The following IGSF10 variants were observed in gnomAD, a reference collection of about 807,000 sequenced individuals.
IGSF10 encodes calvaria mechanical force protein 608.
Under a neutral mutation model 128.2 loss-of-function variants are expected in IGSF10, and 126 were observed. That is an observed-to-expected ratio of 0.98 (90% confidence interval 0.85 to 1.14). IGSF10 has a LOEUF of 1.14. IGSF10 is among the 50% of genes most tolerant of loss of function. The pLI, the probability that IGSF10 is intolerant of heterozygous loss-of-function variation, is 0.00. For missense variants in IGSF10, 3,295 were observed against 3,149.8 expected, an observed-to-expected ratio of 1.05 and a Z score of -1.10; for synonymous variants, 1,185 against 1,146.2, an observed-to-expected ratio of 1.03 and a Z score of -0.68.
At position 151,438,225 on chromosome 3, in the gene IGSF10, C is replaced by A. The variant is rs78115932; in HGVS notation, c.6336G>T (p.Ala2112=). The A allele has an allele frequency of 1.8e-4, 298 of 1,614,110 alleles. No homozygotes were observed. The African/African-American group carries it at 3.8e-3, about 21-fold the overall frequency. The change falls in exon 8 of 8, where the codon GCG becomes GCT. Residue 2112 remains alanine (A), a synonymous_variant. Transcript: ENST00000282466. Reference sequence around the variant, plus strand: ...CATAGCAAGTATAATCTCCTTCCTCCGCTACCCCAACTTTGTTGAAGTATA... The same window carrying A: ...CATAGCAAGTATAATCTCCTTCCTCAGCTACCCCAACTTTGTTGAAGTATA... ...GTLYFNKVGV[A]EEGDYTCYAQ... is the part of the protein sequence containing the mutation.
the IGSF10 span, among the ~76,000 whole-genome samples, chr3:151,505,297 G>A: frequency 2.6e-5 from 4 of 152,228 alleles, no homozygotes; most frequent in African/African-American, 9.6e-5. Flanking sequence ...AAGAATGAGA[G>A]CCAAGTGAAG....
chr3:151,530,895 C>T, the IGSF10 span, among the ~76,000 whole-genome samples: 1 of 151,946 alleles, frequency 6.6e-6, no homozygotes, highest in African/African-American at 2.4e-5. Context: ...GGGCTAAATG[C>T]CCCAGTTAAA....
the IGSF10 span, among the ~76,000 whole-genome samples, chr3:151,467,671 T>C: frequency 1.3e-5 from 2 of 151,586 alleles, no homozygotes; most frequent in African/African-American, 4.9e-5. Flanking sequence ...GATCACGAGG[T>C]CAGGAGATCG....
At chr3:151,515,163 G>A in the IGSF10 span, among the ~76,000 whole-genome samples, 2 of 152,018 alleles carry the variant, frequency 1.3e-5, no homozygotes, top group African/African-American at 2.4e-5. Context: ...AAAGACACAT[G>A]CACACGTATG....
chr3:151,548,591 C>T, the IGSF10 span, among the ~76,000 whole-genome samples: 4 of 152,186 alleles, frequency 2.6e-5, no homozygotes, highest in Admixed American at 2.6e-4. Context: ...CTTAGGATTT[C>T]ATTTTTGTTT....
the IGSF10 span, among the ~76,000 whole-genome samples, chr3:151,504,618 T>C: frequency 2.0e-5 from 3 of 152,304 alleles, no homozygotes; most frequent in Admixed American, 1.3e-4. Flanking sequence ...AGCATCTATA[T>C]ATAAATAATG....
chr3:151,446,644 G>C lies in IGSF10; in HGVS notation c.3337C>G (p.Leu1113Val). The C allele has an allele frequency of 6.2e-7, 1 of 1,614,050 alleles. No homozygotes were observed. Among genetic ancestry groups the C allele is most frequent in the Non-Finnish European group, 8.5e-7 (1 of 1,179,978 alleles). ...TTLVQNPLLL[L>V]ENKPSVEKTT... ...TTCTCTACACTGGGTTTGTTCTCAA[G>C]TAGTAATAGTGGATTCTGGACTAGA... The change falls in exon 6 of 8, where the codon CTT becomes GTT. Residue 1113 changes from leucine (L) to valine (V), a missense_variant. By Grantham distance (32) the Leu-to-Val change is conservative. Coordinates refer to ENST00000282466, the MANE Select transcript of IGSF10 (RefSeq NM_178822.5).
the IGSF10 span, among the ~76,000 whole-genome samples, chr3:151,582,211 A>G: frequency 1.3e-5 from 2 of 148,328 alleles, no homozygotes; most frequent in Non-Finnish European, 3.0e-5. Flanking sequence ...AGATATTTTC[A>G]TTGGCTTCCC....
At chr3:151,543,620 C>T in the IGSF10 span, among the ~76,000 whole-genome samples, 1 of 152,158 alleles carries the variant, frequency 6.6e-6, no homozygotes, top group African/African-American at 2.4e-5. Context: ...CATGACCAGT[C>T]GAGCTGAGCC....
the IGSF10 span, among the ~76,000 whole-genome samples, chr3:151,568,390 A>C: frequency 8.5e-5 from 13 of 152,200 alleles, no homozygotes; most frequent in Admixed American, 5.9e-4. Context: ...CATTTCTTTC[A>C]GAATTTAATT....
At chr3:151,522,162 G>A in the IGSF10 span, among the ~76,000 whole-genome samples, 1 of 151,778 alleles carries the variant, frequency 6.6e-6, no homozygotes, top group Non-Finnish European at 1.5e-5. Context: ...GAAAATCCCT[G>A]AACAGACTAA....
chr3:151,540,518 G>A, the IGSF10 span, among the ~76,000 whole-genome samples: 1 of 152,148 alleles, frequency 6.6e-6, no homozygotes, highest in East Asian at 1.9e-4. Context: ...CTAAACCACA[G>A]TGTAGTTATC....
chr3:151,562,367 C>A, the IGSF10 span, among the ~76,000 whole-genome samples: 1 of 152,124 alleles, frequency 6.6e-6, no homozygotes, highest in Admixed American at 6.6e-5. Context: ...AAACCAGCAG[C>A]CCTCGGAGCT....
chr3:151,570,782 T>C, the IGSF10 span, among the ~76,000 whole-genome samples: 1 of 152,230 alleles, frequency 6.6e-6, no homozygotes, highest in Admixed American at 6.5e-5. Flanking sequence ...CCATTGCTTT[T>C]GGTGTTTTAG....
chr3:151,462,433 T>C (rs574830907), upstream of IGSF10, among the ~76,000 whole-genome samples: 7 of 152,328 alleles, frequency 4.6e-5, no homozygotes, highest in African/African-American at 1.4e-4. Flanking sequence ...ATTGCTGGTT[T>C]AGTGAAATAA....
At chr3:151,617,643 G>A in the IGSF10 span, among the ~76,000 whole-genome samples, 15 of 152,104 alleles carry the variant, frequency 9.9e-5, no homozygotes, top group South Asian at 1.0e-3. Flanking sequence ...GGGATGTGAG[G>A]GTAGAATGAA....
At chr3:151,455,359 C>CT (rs945612598) in intron 4 of IGSF10, among the ~76,000 whole-genome samples, 18 of 151,622 alleles carry the variant, frequency 1.2e-4, no homozygotes, top group African/African-American at 4.1e-4. Context: ...TGATCTGCCC[C>CT]CCCTTGGCCT....
the IGSF10 span, among the ~76,000 whole-genome samples, chr3:151,564,331 T>G: frequency 6.6e-6 from 1 of 152,242 alleles, no homozygotes; most frequent in East Asian, 1.9e-4. Flanking sequence ...TTTTTTTAAT[T>G]GCACAGGGAG....
At chr3:151,523,087 T>C in the IGSF10 span, among the ~76,000 whole-genome samples, 3 of 151,962 alleles carry the variant, frequency 2.0e-5, no homozygotes, top group African/African-American at 7.2e-5. Flanking sequence ...AAGAATAACA[T>C]ACCTAAGAAT....
Sources: gnomAD v4.1 joint callset for allele counts (sites outside exome capture counted in the v4.1 genomes callset) on GRCh38, gnomAD v4.1.1 for gene constraint, MANE v1.5 for transcripts, NCBI Gene and HGNC (gene_info 2026-07-23, HGNC 2026-07-21) for gene names.